The following ST6GAL1 variants were observed in gnomAD, a reference collection of about 807,000 sequenced individuals.
The protein encoded by ST6GAL1 is ST6 beta-galactoside alpha-2,6-sialyltransferase 1.
In ST6GAL1, 20 loss-of-function variants were observed where a neutral mutation model predicts 38.0. That is an observed-to-expected ratio of 0.53 (90% CI 0.37 to 0.77). The LOEUF (loss-of-function observed/expected upper bound fraction) is 0.77, where lower values mean the gene tolerates loss of function less well. Among genes scored for constraint, ST6GAL1 ranks in the 30% least tolerant of loss-of-function variants. The probability of loss-of-function intolerance (pLI) is 0.00; values close to 1 mark genes in which losing one functional copy is unlikely to be tolerated. For synonymous variants in ST6GAL1, 196 were observed against 188.2 expected (o/e 1.04, Z -0.34); for missense variants, 432 against 496.4 (o/e 0.87, Z 1.23).
At chr3:186,942,836 A>G (rs765948470) in intron 1 of ST6GAL1, among the ~76,000 whole-genome samples, 1 of 152,100 alleles carries the variant, frequency 6.6e-6, no homozygotes, top group African/African-American at 2.4e-5. Flanking sequence ...AAACTCATCT[A>G]AAGTTTCAGG....
chr3:187,069,139 T>C (rs1331784159), intron 5 of ST6GAL1, among the ~76,000 whole-genome samples: 1 of 152,018 alleles, frequency 6.6e-6, no homozygotes, highest in Non-Finnish European at 1.5e-5. Flanking sequence ...CTTCTTCTTT[T>C]TTTTTTTTTT....
intron 2 of ST6GAL1, among the ~76,000 whole-genome samples, chr3:186,975,463 G>C (rs768901548): frequency 3.3e-5 from 5 of 152,146 alleles, no homozygotes; most frequent in Non-Finnish European, 7.4e-5. Flanking sequence ...GAAGTGCAGG[G>C]GAGAGAAAGT....
At chr3:186,942,211 C>T (rs565637430) in intron 1 of ST6GAL1, 4 of 152,194 alleles carry the variant, frequency 2.6e-5, no homozygotes, top group Admixed American at 6.5e-5. Context: ...TTTTCACCTG[C>T]TCTGAAAAGG....
At chr3:187,017,517 G>A (rs1011840787) in intron 2 of ST6GAL1, among the ~76,000 whole-genome samples, 1 of 152,184 alleles carries the variant, frequency 6.6e-6, no homozygotes, top group Non-Finnish European at 1.5e-5. Flanking sequence ...CAAGGGCCTT[G>A]AAGCTCTCAG....
In ST6GAL1 at chr3:186,962,687, A is replaced by G. The variant is rs551481407; in HGVS notation, c.-324-1098A>G. ...CAGTTTTATTCCTAAGACTGTGTCCAAAGAAAATAATCATGGGACTCCCTG... is the reference window on the plus strand; with the variant it reads ...CAGTTTTATTCCTAAGACTGTGTCCGAAGAAAATAATCATGGGACTCCCTG... On this transcript the variant is annotated intron_variant, in intron 1 of 7. Transcript: ENST00000169298. Among the ~76,000 whole-genome samples the G allele has an allele frequency of 9.5e-4, 144 of 152,346 alleles. 2 individuals carry two copies. The South Asian group carries it at 0.029, about 31-fold the overall frequency.
Position 187,072,862 on chromosome 3 carries a change from A to G in ST6GAL1, c.719A>G (p.Glu240Gly). The change falls in exon 6 of 8, where the codon GAG (glutamate) becomes GGG (glycine). Residue 240 changes from glutamate to glycine, a missense_variant. By Grantham distance (98) the Glu-to-Gly change is moderately conservative. Transcript: ENST00000169298. The stretch of plus-strand genomic sequence containing the variant: ...TTCTTCCTGCAGTTGGTTACCACAG[A>G]GAAGCGCTTCCTCAAAGACAGTTTG... Reference protein sequence around the residue: ...RLMNSQLVTTEKRFLKDSLYN... With the variant: ...RLMNSQLVTTGKRFLKDSLYN... 1 of 1,613,988 alleles carries G rather than the reference A, an allele frequency of 6.2e-7. No homozygotes were observed. The highest frequency in any genetic ancestry group is 8.5e-7 in the Non-Finnish European group (1 of 1,179,860).
At chr3:187,001,981 AAAAC>A (rs572321222) in intron 2 of ST6GAL1, among the ~76,000 whole-genome samples, 11 of 151,758 alleles carry the variant, frequency 7.2e-5, no homozygotes, top group African/African-American at 1.2e-4. Context: ...ACCCAAAAAC[AAAAC>A]AAACAAACAA....
intron 2 of ST6GAL1, among the ~76,000 whole-genome samples, chr3:187,000,015 T>G (rs565397939): frequency 6.6e-6 from 1 of 152,128 alleles, no homozygotes; most frequent in Admixed American, 6.5e-5. Flanking sequence ...TTTAAGAACA[T>G]TTTTGTAGAG....
At chr3:186,996,969 A>G (rs533774061) in intron 2 of ST6GAL1, among the ~76,000 whole-genome samples, 1 of 151,892 alleles carries the variant, frequency 6.6e-6, no homozygotes, top group Admixed American at 6.6e-5. Context: ...CACCTCACAC[A>G]GCACACTTGG....
chr3:187,031,584 C>A (rs974752224), intron 2 of ST6GAL1, among the ~76,000 whole-genome samples: 1 of 152,004 alleles, frequency 6.6e-6, no homozygotes, highest in South Asian at 2.1e-4. Context: ...TACAGACACA[C>A]GTCACCACGC....
chr3:187,015,973 G>C (rs1177746114), intron 2 of ST6GAL1, among the ~76,000 whole-genome samples: 2 of 152,228 alleles, frequency 1.3e-5, no homozygotes, highest in African/African-American at 4.8e-5. Flanking sequence ...TCTGTGAGAT[G>C]GAAAGGATAA....
intron 5 of ST6GAL1, among the ~76,000 whole-genome samples, chr3:187,071,607 A>G (rs1434713564): frequency 1.3e-5 from 2 of 151,432 alleles, no homozygotes; most frequent in Non-Finnish European, 2.9e-5. Flanking sequence ...AAAACCCCCA[A>G]AAAATTAGCC....
chr3:187,060,470 ATCT>A (rs760083755), intron 5 of ST6GAL1, among the ~76,000 whole-genome samples: 3 of 152,038 alleles, frequency 2.0e-5, no homozygotes, highest in Non-Finnish European at 2.9e-5. Flanking sequence ...AGGGTGAGAC[ATCT>A]TCTTTATGGC....
intron 5 of ST6GAL1, among the ~76,000 whole-genome samples, chr3:187,056,373 G>C (rs1329424378): frequency 1.3e-5 from 2 of 152,150 alleles, no homozygotes; most frequent in Non-Finnish European, 2.9e-5. Flanking sequence ...TTGCCCATTA[G>C]CTGATGTAGT....
intron 1 of ST6GAL1, among the ~76,000 whole-genome samples, chr3:186,933,189 C>T (rs1009054336): frequency 6.6e-6 from 1 of 152,204 alleles, no homozygotes; most frequent in Non-Finnish European, 1.5e-5. Context: ...CCGTGCCCAC[C>T]TTTGAGTGGT....
intron 5 of ST6GAL1, among the ~76,000 whole-genome samples, chr3:187,062,850 CAGT>C (rs1718969308): frequency 6.6e-6 from 1 of 151,980 alleles, no homozygotes; most frequent in South Asian, 2.1e-4. Flanking sequence ...GAAAAAATGT[CAGT>C]AGGGGAGACA....
At chr3:186,968,649 TC>T (rs1715234182) in intron 2 of ST6GAL1, among the ~76,000 whole-genome samples, 1 of 151,150 alleles carries the variant, frequency 6.6e-6, no homozygotes, top group Non-Finnish European at 1.5e-5. Flanking sequence ...CATTTTTTTT[TC>T]ATTCAGCGTA....
At chr3:186,962,802 G>T (rs1259840149) in intron 1 of ST6GAL1, among the ~76,000 whole-genome samples, 1 of 152,158 alleles carries the variant, frequency 6.6e-6, no homozygotes. Context: ...GGAGGGTTGG[G>T]TACAATTTAT....
intron 2 of ST6GAL1, among the ~76,000 whole-genome samples, chr3:187,031,467 G>T (rs1285189479): frequency 2.0e-5 from 3 of 150,656 alleles, no homozygotes; most frequent in Admixed American, 1.3e-4. Flanking sequence ...ATGGAGTCTC[G>T]CTCTGTTGCC....
Sources: gnomAD v4.1 joint callset for allele counts (sites outside exome capture counted in the v4.1 genomes callset) on GRCh38, gnomAD v4.1.1 for gene constraint, MANE v1.5 for transcripts, NCBI Gene and HGNC (gene_info 2026-07-23, HGNC 2026-07-21) for gene names.